The following MINPP1 variants were observed in gnomAD, a reference collection of about 807,000 sequenced individuals.
MINPP1 encodes the protein multiple inositol polyphosphate phosphatase 1.
Under a neutral mutation model 46.1 loss-of-function variants are expected in MINPP1, and 28 were observed. The observed-to-expected ratio is 0.61, with a 90% CI of 0.45 to 0.83. The LOEUF (loss-of-function observed/expected upper bound fraction) is 0.83, where lower values mean the gene tolerates loss of function less well. MINPP1 is among the 40% of genes least tolerant of loss of function. MINPP1 has a pLI of 0.00. For missense variants in MINPP1, 603 were observed against 610.0 expected, an observed-to-expected ratio of 0.99 and a Z score of 0.12; for synonymous variants, 268 against 249.1, an observed-to-expected ratio of 1.08 and a Z score of -0.72.
chr10:87,549,115 T>A (rs1035106235), intron 4 of MINPP1, among the ~76,000 whole-genome samples: 4 of 152,208 alleles, frequency 2.6e-5, no homozygotes, highest in African/African-American at 4.8e-5. Flanking sequence ...TCTGAAGAAT[T>A]CACTGATTTT....
chr10:87,545,084 T>C (rs1018039923), intron 4 of MINPP1, among the ~76,000 whole-genome samples: 6 of 152,196 alleles, frequency 3.9e-5, no homozygotes, highest in African/African-American at 1.2e-4. Context: ...ATTTTAAAAA[T>C]TGTATAAAAC....
chr10:87,537,845 C>T (rs1851759724), intron 4 of MINPP1, among the ~76,000 whole-genome samples: 1 of 152,106 alleles, frequency 6.6e-6, no homozygotes, highest in South Asian at 2.1e-4. Context: ...TCATAGCTCA[C>T]TACAGCCTCA....
chr10:87,544,125 T>C (rs1157360474), intron 4 of MINPP1, among the ~76,000 whole-genome samples: 1 of 152,214 alleles, frequency 6.6e-6, no homozygotes, highest in Non-Finnish European at 1.5e-5. Flanking sequence ...AGTCTGGGCC[T>C]CTGGAACACC....
At chr10:87,530,226 C>G (rs1851638043) in intron 4 of MINPP1, among the ~76,000 whole-genome samples, 1 of 152,222 alleles carries the variant, frequency 6.6e-6, no homozygotes, top group Admixed American at 6.5e-5. Context: ...CAAAGTCATT[C>G]TCCGTCCAGC....
chr10:87,538,079 A>G (rs1851763264), intron 4 of MINPP1, among the ~76,000 whole-genome samples: 2 of 150,140 alleles, frequency 1.3e-5, no homozygotes, highest in South Asian at 2.1e-4. Flanking sequence ...GGGATTATAG[A>G]TAGGAGTAAT....
In MINPP1 at chr10:87,531,050, A is replaced by G. The variant is rs368203540; in HGVS notation, c.1067+9881A>G. On this transcript the variant is annotated intron_variant, in intron 4 of 4. Transcript: ENST00000371996. ...GTGTGCCGTTTGCTAAGACCATTGGAAAAGTGCAGTATTAGGATGGGAGTG... is the reference window on the plus strand; with the variant it reads ...GTGTGCCGTTTGCTAAGACCATTGGGAAAGTGCAGTATTAGGATGGGAGTG... Among the ~76,000 whole-genome samples, 33 of 152,256 alleles carry G rather than the reference A, an allele frequency of 2.2e-4. No homozygotes were observed. In the East Asian group the frequency reaches 6.0e-3, roughly 28 times the overall value.
At chr10:87,536,710 T>G (rs1221844127) in intron 4 of MINPP1, among the ~76,000 whole-genome samples, 1 of 152,240 alleles carries the variant, frequency 6.6e-6, no homozygotes, top group Non-Finnish European at 1.5e-5. Context: ...AAGATTCATC[T>G]GTGTTGCTGA....
chr10:87,536,673 G>T (rs1851740355), intron 4 of MINPP1, among the ~76,000 whole-genome samples: 2 of 151,814 alleles, frequency 1.3e-5, no homozygotes, highest in African/African-American at 4.8e-5. Context: ...TTTTTGTTGG[G>T]CTTCTTTCAC....
chr10:87,514,203 C>CGT (rs1409462809), intron 3 of MINPP1, among the ~76,000 whole-genome samples: 1 of 152,052 alleles, frequency 6.6e-6, no homozygotes, highest in Non-Finnish European at 1.5e-5. Context: ...TTCTGTCTAC[C>CGT]GTGTGTATAT....
rs145120983 is a variant in MINPP1 at position 87,539,928 on chromosome 10, G to A, written c.1068-12154G>A. On this transcript the variant is annotated intron_variant, in intron 4 of 4. Coordinates refer to ENST00000371996, the MANE Select transcript of MINPP1 (RefSeq NM_004897.5). ...CTCTGACACCCTGGAGTGCAGTGGC[G>A]TAATCATGGCTTATTGCATCCTCGA... is the stretch of plus-strand genomic sequence containing the variant. Among the ~76,000 whole-genome samples the A allele has an allele frequency of 4.2e-3, 633 of 152,296 alleles. 6 individuals are homozygous for A. The highest frequency in any genetic ancestry group is 0.014 in the African/African-American group (590 of 41,558).
chr10:87,516,951 CT>C (rs1851420382), intron 3 of MINPP1, among the ~76,000 whole-genome samples: 1 of 150,646 alleles, frequency 6.6e-6, no homozygotes, highest in African/African-American at 2.4e-5. Context: ...TGTTTTTTTT[CT>C]TTTGGTATCT....
At chr10:87,525,339 C>T (rs539995924) in intron 4 of MINPP1, among the ~76,000 whole-genome samples, 23 of 152,298 alleles carry the variant, frequency 1.5e-4, no homozygotes, top group Non-Finnish European at 2.6e-4. Context: ...TTTCTGTCTG[C>T]ATGCATTGGC....
At chr10:87,531,037 C>G (rs1851652532) in intron 4 of MINPP1, among the ~76,000 whole-genome samples, 1 of 152,220 alleles carries the variant, frequency 6.6e-6, no homozygotes, top group Non-Finnish European at 1.5e-5. Context: ...GTGCCGTTTG[C>G]TAAGACCATT....
At chr10:87,540,051 G>A (rs907013855) in intron 4 of MINPP1, among the ~76,000 whole-genome samples, 10 of 152,130 alleles carry the variant, frequency 6.6e-5, no homozygotes, top group Admixed American at 2.0e-4. Flanking sequence ...GGGAGTTTTC[G>A]TAGACACAAG....
At position 87,505,427 on chromosome 10, in the gene MINPP1, G is replaced by A. The variant is rs1359191653; in HGVS notation, c.512G>A (p.Arg171His). Residue 171 changes from arginine to histidine, a missense_variant, in exon 1 of 5, where the codon CGT becomes CAT. Physicochemically the swap from Arg to His is conservative, Grantham distance 29 (BLOSUM62 0). Coordinates refer to ENST00000371996, the MANE Select transcript of MINPP1 (RefSeq NM_004897.5). The surrounding 1 kb of genome is among the most constrained non-coding windows in gnomAD (Gnocchi z 4.4). Reference sequence around the variant, plus strand: ...TCGCTCTTCCCGGCCCTTTTCAGCCGTGAGAACTACGGCCGCCTGCGGCTC... The same window carrying A: ...TCGCTCTTCCCGGCCCTTTTCAGCCATGAGAACTACGGCCGCCTGCGGCTC... ...LASLFPALFS[R>H]ENYGRLRLIT... 6.2e-7 allele frequency: 1 copy of A among 1,613,654 alleles called. No individual in the cohort carries two copies. The highest frequency in any genetic ancestry group is 8.5e-7 in the Non-Finnish European group (1 of 1,179,836).
intron 4 of MINPP1, among the ~76,000 whole-genome samples, chr10:87,535,271 T>A (rs1178479851): frequency 6.6e-6 from 1 of 152,272 alleles, no homozygotes; most frequent in East Asian, 1.9e-4. Flanking sequence ...ATTCAGGTAA[T>A]ACTCATGTTT....
chr10:87,534,091 C>A (rs1851699865), intron 4 of MINPP1, among the ~76,000 whole-genome samples: 2 of 144,594 alleles, frequency 1.4e-5, no homozygotes, highest in South Asian at 2.3e-4. Context: ...CTCGCTCTAT[C>A]CCCCAGGCTG....
At chr10:87,542,845 G>A (rs1420044991) in intron 4 of MINPP1, among the ~76,000 whole-genome samples, 1 of 152,160 alleles carries the variant, frequency 6.6e-6, no homozygotes, top group Admixed American at 6.5e-5. Context: ...TGGTACCAAG[G>A]CATGGGGCAC....
intron 4 of MINPP1, among the ~76,000 whole-genome samples, chr10:87,543,929 A>G (rs1390055385): frequency 6.6e-6 from 1 of 152,188 alleles, no homozygotes; most frequent in Non-Finnish European, 1.5e-5. Flanking sequence ...GAGGAGACAA[A>G]CATCCAAACT....
Sources: allele counts gnomAD v4.1 joint callset (sites outside exome capture counted in the v4.1 genomes callset), GRCh38; gene constraint gnomAD v4.1.1; non-coding constraint Gnocchi (gnomAD v3.1); transcripts MANE v1.5; gene names NCBI Gene and HGNC (gene_info 2026-07-23, HGNC 2026-07-21).